L1CAM: variants seen among roughly 807,000 people sequenced by gnomAD.
L1CAM encodes the protein L1 cell adhesion molecule, also known as neural cell adhesion molecule L1.
In L1CAM, 8 loss-of-function variants were observed where a neutral mutation model predicts 93.0. The observed-to-expected ratio is 0.09, with a 90% CI of 0.05 to 0.16. L1CAM has a LOEUF of 0.16. L1CAM is among the 10% of genes least tolerant of loss of function. The pLI, the probability that L1CAM is intolerant of heterozygous loss-of-function variation, is 1.00. For synonymous variants in L1CAM, 453 were observed against 453.0 expected, an observed-to-expected ratio of 1.00 and a Z score of 0.00; for missense variants, 777 against 1,073.4, an observed-to-expected ratio of 0.72 and a Z score of 3.86.
rs948680832 is a variant in L1CAM, at chrX:153,866,817, G to A, written c.2263C>T (p.Arg755Cys). 1 of 1,211,271 alleles carries A rather than the reference G, an allele frequency of 8.3e-7. No homozygotes were observed. The highest frequency in any genetic ancestry group is 1.1e-6 in the Non-Finnish European group (1 of 895,232). ...APQVQYRVQW[R>C]PQGTRGPWQE... ...CAGGGCCCTCGTGTCCCCTGAGGGCGCCACTGCACGCGGTACTGAACCTGG... is the reference window on the plus strand; with the variant it reads ...CAGGGCCCTCGTGTCCCCTGAGGGCACCACTGCACGCGGTACTGAACCTGG... The change falls in exon 19 of 29, where the codon CGC becomes TGC. Residue 755 changes from arginine (R) to cysteine (C), a missense_variant. Arg to Cys is a radical substitution (Grantham distance 180, BLOSUM62 -3). Transcript: ENST00000370060.
intron 7 of L1CAM, 97 bp from the exon 8 acceptor site, chrX:153,870,596 C>T: frequency 2.4e-6 from 2 of 822,145 alleles, no homozygotes. Context: ...CCCCCGGGGC[C>T]TCTGTGTCTT....
At chrX:153,874,777 GC>G (rs1354812798) in intron 2 of L1CAM, among the ~76,000 whole-genome samples, 5 of 112,121 alleles carry the variant, frequency 4.5e-5, no homozygotes, top group Non-Finnish European at 9.4e-5. Context: ...AGACACAAAT[GC>G]CCTCACACAT....
At chrX:153,881,221 T>A (rs781923042) in intron 1 of L1CAM, among the ~76,000 whole-genome samples, 1 of 112,221 alleles carries the variant, frequency 8.9e-6, no homozygotes, top group East Asian at 2.8e-4. Context: ...ATCATCCCCA[T>A]TTTACAGATG....
At position 153,870,075 on chromosome X, in the gene L1CAM, C is replaced by T. The variant is rs782291720; in HGVS notation, c.972G>A (p.Ala324=). The change falls in exon 9 of 29, where the codon GCG becomes GCA. Residue 324 remains alanine, a synonymous_variant. Coordinates refer to ENST00000370060, the MANE Select transcript of L1CAM (RefSeq NM_001278116.2). ...CCATACCCTCCACGGTGACATAGTA[C>T]GCATGCCGGGCACTGCCCAGTGAGT... is the stretch of plus-strand genomic sequence containing the variant. The part of the protein sequence containing the change: ...AENSLGSARH[A]YYVTVEAAPY... 32 of 1,210,434 alleles carry T rather than the reference C, an allele frequency of 2.6e-5. No individual in the cohort carries two copies. The highest frequency in any genetic ancestry group is 1.5e-4 in the East Asian group (5 of 33,742).
At chrX:153,872,969 A>G in intron 3 of L1CAM, 1 of 450,756 alleles carries the variant, frequency 2.2e-6, no homozygotes, top group Non-Finnish European at 3.9e-6. Context: ...AGACACAGAA[A>G]CCAAGAAGGA....
intron 1 of L1CAM, chrX:153,885,507 G>A: frequency 6.9e-6 from 5 of 728,835 alleles, no homozygotes; most frequent in Non-Finnish European, 9.2e-6. Context: ...CCAACCTTGG[G>A]GCGGAGGGGC....
In L1CAM at chrX:153,869,918, C is replaced by T. The variant is rs373992374; in HGVS notation, c.1008G>A (p.Leu336=). Reference sequence around the variant, plus strand: ...CATATAGATGGCTCTGGGGCTTGTGCAGCCAGTACGGGGCAGCTGGGAGGA... The same window carrying T: ...CATATAGATGGCTCTGGGGCTTGTGTAGCCAGTACGGGGCAGCTGGGAGGA... The part of the protein sequence containing the change: ...YVTVEAAPYW[L]HKPQSHLYGP... Residue 336 remains leucine (L), a synonymous_variant, in exon 10 of 29, where the codon CTG becomes CTA. Coordinates refer to ENST00000370060, the MANE Select transcript of L1CAM (RefSeq NM_001278116.2). The T allele has an allele frequency of 8.3e-6, 10 of 1,208,394 alleles. No homozygotes were observed. Among genetic ancestry groups the T allele is most frequent in the Non-Finnish European group, 1.1e-5 (10 of 894,388 alleles).
intron 1 of L1CAM, among the ~76,000 whole-genome samples, chrX:153,880,945 A>G (rs5945361): frequency 0.48 from 52,885 of 110,113 alleles, 12,091 homozygotes; most frequent in African/African-American, 0.88. Flanking sequence ...GGCAACTACA[A>G]CTCACCTGTA....
chrX:153,886,066 T>A lies in L1CAM; in HGVS notation c.-110A>T. The A allele has an allele frequency of 3.2e-6, 1 of 310,887 alleles. No individual in the cohort carries two copies. The highest frequency in any genetic ancestry group is 4.3e-6 in the Non-Finnish European group (1 of 235,221). The allele number at this position is 310,887 out of a possible 1,213,427, so 25.6% of individuals were successfully genotyped here. A position where few individuals can be genotyped will look rare whatever the true frequency, so the allele number is the denominator to read the frequency against. ...CACGGGGAGGCCAGCCCGCCTTACC[T>A]GCGCTGCGGCCACCGCTCGGGCTGC... On this transcript the variant is annotated splice_region_variant and 5_prime_UTR_variant, in exon 1 of 29. Transcript: ENST00000370060.
At position 153,868,674 on chromosome X, in the gene L1CAM, G is replaced by T. The variant is rs1298830102; in HGVS notation, c.1433C>A (p.Ala478Asp). 28 of 1,210,413 alleles carry T rather than the reference G, an allele frequency of 2.3e-5. No individual in the cohort carries two copies. Among genetic ancestry groups the T allele is most frequent in the Non-Finnish European group, 2.9e-5 (26 of 895,135 alleles). Residue 478 changes from alanine (A) to aspartate (D), a missense_variant, in exon 13 of 29, where the codon GCC becomes GAC. By Grantham distance (126) the Ala-to-Asp change is moderately radical (BLOSUM62 -2). This residue lies in a region of L1CAM where 574 missense variants were observed against 781.0 expected (regional missense o/e 0.73). Transcript: ENST00000370060. ...VLQDERFFPY[A>D]NGTLGIRDLQ... ...GTCTCGAATGCCCAGGGTCCCATTG[G>T]CATAGGGGAAGAAGCGTTCGTCCTG...
At position 153,875,621 on chromosome X, in the gene L1CAM, T is replaced by C. The variant is rs1557094311; in HGVS notation, c.76+140A>G. 3.4e-5 allele frequency: 20 copies of C among 580,195 alleles called. No individual in the cohort carries two copies. In the Admixed American group the frequency reaches 3.6e-4, roughly 10 times the overall value. 47.8% of individuals were successfully genotyped at this position (580,195 alleles called of 1,213,427 possible). A position where few individuals can be genotyped will look rare whatever the true frequency, so the allele number is the denominator to read the frequency against. Reference sequence around the variant, plus strand: ...CCGGGGGTACCCAACGTCCTGGCTATCTCCTGCCCACCCTGTGCCCAGGAA... The same window carrying C: ...CCGGGGGTACCCAACGTCCTGGCTACCTCCTGCCCACCCTGTGCCCAGGAA... On this transcript the variant is annotated intron_variant, in intron 2 of 28. Coordinates refer to ENST00000370060, the MANE Select transcript of L1CAM (RefSeq NM_001278116.2).
In L1CAM at chrX:153,867,340, TGC is replaced by T. The variant is rs2064723284; in HGVS notation, c.2137+14_2137+15del. 1 of 1,196,027 alleles carries T rather than the reference TGC, an allele frequency of 8.4e-7. No individual in the cohort carries two copies. Among genetic ancestry groups the T allele is most frequent in the Non-Finnish European group, 1.1e-6 (1 of 884,432 alleles). On this transcript the variant is annotated intron_variant, in intron 17 of 28. Transcript: ENST00000370060. ...CCCTTCCAGGTGGCATGGGAGTGGG[TGC>T]CACCCTGACTCACCTGCCTCAGGTG...
rs782223025 is a variant in L1CAM at position 153,870,881 on chromosome X, G to A, written c.603C>T (p.Ser201=). The A allele has an allele frequency of 1.3e-5, 16 of 1,208,832 alleles. No individual in the cohort carries two copies. Among genetic ancestry groups the A allele is most frequent in the Middle Eastern group, 2.3e-4 (1 of 4,353 alleles). Residue 201 remains serine, a synonymous_variant, in exon 7 of 29, where the codon TCC becomes TCT. Transcript: ENST00000370060. ...GNLYFANVLT[S]DNHSDYICHA... is the part of the protein sequence containing the mutation. ...GGCAGATGTAGTCTGAGTGGTTGTC[G>A]GAGGTGAGCACATTGGCAAAGTAGA... is the stretch of plus-strand genomic sequence containing the variant.
chrX:153,872,453 G>T, intron 4 of L1CAM, 99 bp from the exon 5 acceptor site: 2 of 958,473 alleles, frequency 2.1e-6, no homozygotes, highest in African/African-American at 1.9e-5. Flanking sequence ...GCCCCCAGGG[G>T]ATGGACTGGG....
chrX:153,871,008 C>A (rs781978055), intron 6 of L1CAM, 48 bp from the exon 7 acceptor site: 3 of 1,211,047 alleles, frequency 2.5e-6, no homozygotes, highest in Admixed American at 4.3e-5. Context: ...CAGGAAGACA[C>A]CCCCGCTAAC....
intron 1 of L1CAM, chrX:153,876,263 C>T: frequency 2.8e-6 from 1 of 353,432 alleles, no homozygotes; most frequent in Non-Finnish European, 5.0e-6. Flanking sequence ...ATGGCATGCA[C>T]ATCCCCGTAT....
Position 153,870,509 on chromosome X carries a change from G to A in L1CAM, c.695-10C>T, listed in dbSNP as rs782231167. On this transcript the variant is annotated splice_polypyrimidine_tract_variant and intron_variant, in intron 7 of 28. Transcript: ENST00000370060. ...TCAATCATGCTGTTGGCTGCCAGGA[G>A]AAAGTGGGTGGGTGGGCTGCCCACT... 6.7e-6 allele frequency: 8 copies of A among 1,186,189 alleles called. No homozygotes were observed. In the Admixed American group the frequency reaches 1.5e-4, roughly 23 times the overall value.
At position 153,868,122 on chromosome X, in the gene L1CAM, C is replaced by T. The variant is rs1557091675; in HGVS notation, c.1704G>A (p.Lys568=). 8.3e-7 allele frequency: 1 copy of T among 1,210,647 alleles called. No homozygotes were observed. Among genetic ancestry groups the T allele is most frequent in the Non-Finnish European group, 1.1e-6 (1 of 895,363 alleles). Residue 568 remains lysine, a splice_region_variant and synonymous_variant, in exon 15 of 29, where the codon AAG becomes AAA. Coordinates refer to ENST00000370060, the MANE Select transcript of L1CAM (RefSeq NM_001278116.2). ...CCAGGCGCCCATCCTCTATGAAGTA[C>T]CTGCGGAGGAGCCGTGTCTGTCTTT... ...RDLQELGDSD[K]YFIEDGRLVI... is the part of the protein sequence containing the mutation.
intron 1 of L1CAM, among the ~76,000 whole-genome samples, chrX:153,884,735 GA>G (rs1487864145): frequency 8.9e-6 from 1 of 112,745 alleles, no homozygotes; most frequent in Admixed American, 9.3e-5. Context: ...TGCCAGGGGA[GA>G]GGCCAGGCTG....
Sources: allele counts gnomAD v4.1 joint callset (sites outside exome capture counted in the v4.1 genomes callset), GRCh38; gene constraint gnomAD v4.1.1; regional missense constraint gnomAD v4.1.1; transcripts MANE v1.5; gene names NCBI Gene and HGNC (gene_info 2026-07-23, HGNC 2026-07-21).